NT5C1B: variants seen among roughly 807,000 people sequenced by gnomAD.
NT5C1B encodes the protein cytosolic 5'-nucleotidase 1B.
NT5C1B carries 44 observed loss-of-function variants against 57.8 expected under a neutral mutation model. The ratio of observed to expected loss-of-function variants is 0.76; its 90% CI spans 0.60 to 0.98. The LOEUF (loss-of-function observed/expected upper bound fraction) is 0.98, where lower values mean the gene tolerates loss of function less well. NT5C1B is among the 50% of genes least tolerant of loss of function. The probability of loss-of-function intolerance (pLI) is 0.00; values close to 1 mark genes in which losing one functional copy is unlikely to be tolerated. For missense variants in NT5C1B, 742 were observed against 719.5 expected (o/e 1.03, Z -0.36); for synonymous variants, 284 against 282.6 (o/e 1.00, Z -0.05).
chr2:18,563,894 G>T (rs1465657618), exon 9 of NT5C1B: 2 of 1,613,978 alleles, frequency 1.2e-6, no homozygotes, highest in African/African-American at 2.7e-5. Flanking sequence ...AAGATGTGGG[G>T]CCGGATCTTC....
chr2:18,569,628 A>C (rs1465128583), intron 8 of NT5C1B, among the ~76,000 whole-genome samples: 1 of 152,156 alleles, frequency 6.6e-6, no homozygotes, highest in Non-Finnish European at 1.5e-5. Context: ...TTACATAATG[A>C]AAAGATATTA....
At chr2:18,577,198 A>G (rs1665764891) in intron 6 of NT5C1B, among the ~76,000 whole-genome samples, 1 of 152,098 alleles carries the variant, frequency 6.6e-6, no homozygotes, top group Admixed American at 6.6e-5. Flanking sequence ...AGGTATTATT[A>G]TCTTCATTAC....
rs73916888 is a variant in NT5C1B at position 18,586,617 on chromosome 2, A to G, written c.121-226T>C. 7,165 of 680,080 alleles carry G rather than the reference A, an allele frequency of 0.011. 361 individuals carry two copies. The African/African-American group carries it at 0.11, about 11-fold the overall frequency. The allele number at this position is 680,080 out of a possible 1,614,324, so 42.1% of individuals were successfully genotyped here. ...TATGTGGGGGTCCACTTGAAAGAGCATCCAAAACCAAGATGCAAACATATT... is the reference window on the plus strand; with the variant it reads ...TATGTGGGGGTCCACTTGAAAGAGCGTCCAAAACCAAGATGCAAACATATT... On this transcript the variant is annotated intron_variant, in intron 2 of 8. Transcript: ENST00000304081.
intron 8 of NT5C1B, among the ~76,000 whole-genome samples, chr2:18,569,952 G>A (rs185349343): frequency 4.6e-5 from 7 of 151,810 alleles, no homozygotes; most frequent in Non-Finnish European, 7.4e-5. Flanking sequence ...CCATATTCTT[G>A]GCATAAAACA....
intron 2 of NT5C1B, 130 bp downstream of exon 2, chr2:18,587,373 G>C: frequency 7.3e-6 from 11 of 1,503,724 alleles, no homozygotes; most frequent in Non-Finnish European, 9.7e-6. Flanking sequence ...TTCTCATGAG[G>C]ACATTAGGGA....
chr2:18,587,737 C>T (rs576517555), intron 1 of NT5C1B, 145 bp from the exon 2 acceptor site: 338 of 800,312 alleles, frequency 4.2e-4, no homozygotes, highest in Non-Finnish European at 5.5e-4. Context: ...TTAGTTTCCC[C>T]TGTTCTAACA....
chr2:18,571,367 A>G (rs1202906068), intron 8 of NT5C1B, among the ~76,000 whole-genome samples: 1 of 152,200 alleles, frequency 6.6e-6, no homozygotes, highest in East Asian at 1.9e-4. Context: ...ATGTATTAGC[A>G]ATAAATAATC....
At chr2:18,583,789 C>T in intron 5 of NT5C1B, 1 of 574,740 alleles carries the variant, frequency 1.7e-6, no homozygotes, top group South Asian at 1.5e-5. Flanking sequence ...ATCATAAACT[C>T]ATTATGGCTT....
Position 18,584,870 on chromosome 2 carries a change from G to T in NT5C1B, c.367C>A (p.Pro123Thr), listed in dbSNP as rs1285649145. Reference sequence around the variant, plus strand: ...GAGTCCAGCGACCGGGGCAGCTGGGGCGACGCGGGTGGCTGGAGCGAGGGC... The same window carrying T: ...GAGTCCAGCGACCGGGGCAGCTGGGTCGACGCGGGTGGCTGGAGCGAGGGC... The change falls in exon 4 of 9, where the codon CCC (proline) becomes ACC (threonine). Residue 123 changes from proline (P) to threonine (T), a missense_variant. By Grantham distance (38) the Pro-to-Thr change is conservative (BLOSUM62 -1). Coordinates refer to ENST00000304081, the Ensembl canonical transcript of NT5C1B. This position sits in a 1 kb window ranked among gnomAD's most constrained non-coding sequence, Gnocchi z 5.8. 1 of 1,598,760 alleles carries T rather than the reference G, an allele frequency of 6.3e-7. No individual in the cohort carries two copies.
At chr2:18,572,074 A>C (rs1433151502) in intron 8 of NT5C1B, among the ~76,000 whole-genome samples, 2 of 107,030 alleles carry the variant, frequency 1.9e-5, no homozygotes, top group Non-Finnish European at 3.8e-5. Flanking sequence ...CGACAGAGCG[A>C]GACTCTGTCA....
chr2:18,584,281 G>A lies in NT5C1B; in HGVS notation c.724-26C>T. Reference sequence around the variant, plus strand: ...CTGCAGAGAGGGACGCCAAAGGGAGGATAGTCACATAGCCACGAAGAGGAC... The same window carrying A: ...CTGCAGAGAGGGACGCCAAAGGGAGAATAGTCACATAGCCACGAAGAGGAC... On this transcript the variant is annotated intron_variant, in intron 4 of 8. Coordinates refer to ENST00000304081, the Ensembl canonical transcript of NT5C1B. The surrounding 1 kb of genome is among the most constrained non-coding windows in gnomAD (Gnocchi z 5.8). 6.2e-7 allele frequency: 1 copy of A among 1,608,700 alleles called. No individual in the cohort carries two copies. Among genetic ancestry groups the A allele is most frequent in the South Asian group, 1.1e-5 (1 of 90,252 alleles).
At position 18,584,825 on chromosome 2, in the gene NT5C1B, C is replaced by T; in HGVS notation, c.412G>A (p.Glu138Lys). ...CTGCGCCGGGAGCCAGGATCGGGCT[C>T]TGGGGGCGTGGGAGGCCGCGAGTCC... The change falls in exon 4 of 9, where the codon GAG becomes AAG. Residue 138 changes from glutamate to lysine, a missense_variant. By Grantham distance (56) the Glu-to-Lys change is moderately conservative. Coordinates refer to ENST00000304081, the Ensembl canonical transcript of NT5C1B. The surrounding 1 kb of genome is among the most constrained non-coding windows in gnomAD (Gnocchi z 5.8). 4 of 1,612,116 alleles carry T rather than the reference C, an allele frequency of 2.5e-6. No individual in the cohort carries two copies. The highest frequency in any genetic ancestry group is 3.4e-6 in the Non-Finnish European group (4 of 1,179,430).
At chr2:18,588,929 T>G (rs1053228588) in intron 1 of NT5C1B, among the ~76,000 whole-genome samples, 3 of 152,228 alleles carry the variant, frequency 2.0e-5, no homozygotes, top group African/African-American at 7.2e-5. Context: ...TGTATTTGCC[T>G]GCATACACCA....
intron 8 of NT5C1B, among the ~76,000 whole-genome samples, chr2:18,565,414 T>C (rs990227221): frequency 6.6e-6 from 1 of 152,198 alleles, no homozygotes; most frequent in Non-Finnish European, 1.5e-5. Flanking sequence ...TATTCTCAAC[T>C]ATATATCTAT....
At chr2:18,574,647 C>A (rs1301972460) in intron 8 of NT5C1B, among the ~76,000 whole-genome samples, 17 of 151,944 alleles carry the variant, frequency 1.1e-4, no homozygotes, top group Non-Finnish European at 2.9e-5. Flanking sequence ...TATTAGTCAG[C>A]CTTTAAAAAG....
intron 8 of NT5C1B, among the ~76,000 whole-genome samples, chr2:18,567,215 A>G (rs1204400943): frequency 1.3e-5 from 2 of 152,148 alleles, no homozygotes; most frequent in Admixed American, 1.3e-4. Flanking sequence ...AGCAGCTGCC[A>G]CTGGGGGCAA....
chr2:18,584,043 T>G lies in NT5C1B; in HGVS notation c.891+45A>C. On this transcript the variant is annotated intron_variant, in intron 5 of 8. Coordinates refer to ENST00000304081, the Ensembl canonical transcript of NT5C1B. This position sits in a 1 kb window ranked among gnomAD's most constrained non-coding sequence, Gnocchi z 5.8. ...CCAAGGGTTGGCCTGGGTCCCTCCC[T>G]CGCCATCGAGTGTCCTGGCGGGCCA... 1 of 1,614,118 alleles carries G rather than the reference T, an allele frequency of 6.2e-7. No individual in the cohort carries two copies. Among genetic ancestry groups the G allele is most frequent in the Non-Finnish European group, 8.5e-7 (1 of 1,179,984 alleles).
At chr2:18,586,582 T>C in intron 2 of NT5C1B, 191 bp from the exon 3 acceptor site, 3 of 900,090 alleles carry the variant, frequency 3.3e-6, no homozygotes, top group Non-Finnish European at 4.8e-6. Flanking sequence ...TCACTTCTGT[T>C]TGGAGCATCT....
At chr2:18,589,491 T>C (rs774340815) in exon 1 of NT5C1B, 2 of 1,613,968 alleles carry the variant, frequency 1.2e-6, no homozygotes, top group South Asian at 1.1e-5. Context: ...TGAAATTCTT[T>C]TGTTGTTATC....
Sources: gnomAD v4.1 joint callset for allele counts (sites outside exome capture counted in the v4.1 genomes callset) on GRCh38, gnomAD v4.1.1 for gene constraint, Gnocchi (gnomAD v3.1) non-coding constraint, MANE v1.5 for transcripts, NCBI Gene and HGNC (gene_info 2026-07-23, HGNC 2026-07-21) for gene names.